Variants in ROBO2 observed in about 807,000 individuals in gnomAD.
ROBO2 encodes the protein roundabout homolog 2.
ROBO2 carries 53 observed loss-of-function variants against 160.8 expected under a neutral mutation model. The observed-to-expected ratio is 0.33, with a 90% confidence interval of 0.26 to 0.41. The LOEUF is 0.41. Among genes scored for constraint, ROBO2 ranks in the 10% least tolerant of loss-of-function variants. ROBO2 has a pLI of 1.00. For synonymous variants in ROBO2, 664 were observed against 611.7 expected, an observed-to-expected ratio of 1.09 and a Z score of -1.26; for missense variants, 1,577 against 1,722.4, an observed-to-expected ratio of 0.92 and a Z score of 1.49.
At position 76,393,085 on chromosome 3, in the gene ROBO2, C is replaced by A. The variant is rs1304709132; in HGVS notation, c.109+455483C>A. ...TATCAAACAGGTGACAGCTATTGTT[C>A]TATACTAACAGTAAAATCCAGTGTT... On this transcript the variant is annotated intron_variant, in intron 2 of 26. Transcript: ENST00000487694. Among the ~76,000 whole-genome samples, 5 of 152,228 alleles carry A rather than the reference C, an allele frequency of 3.3e-5. No individual in the cohort carries two copies. The East Asian group carries it at 9.7e-4, about 29-fold the overall frequency.
intron 1 of ROBO2, among the ~76,000 whole-genome samples, chr3:77,048,372 A>C (rs948658232): frequency 6.6e-6 from 1 of 152,174 alleles, no homozygotes; most frequent in Non-Finnish European, 1.5e-5. Flanking sequence ...TTTCCATTGC[A>C]TCATAAGCTG....
At chr3:75,999,665 A>G (rs530569898) in intron 2 of ROBO2, among the ~76,000 whole-genome samples, 15 of 152,154 alleles carry the variant, frequency 9.9e-5, no homozygotes, top group Non-Finnish European at 2.1e-4. Context: ...ATTTGTTCAA[A>G]TTAAAATCAA....
chr3:77,049,717 G>A (rs962841980), intron 1 of ROBO2, among the ~76,000 whole-genome samples: 1 of 152,160 alleles, frequency 6.6e-6, no homozygotes, highest in Admixed American at 6.6e-5. Flanking sequence ...AAGGATTGAT[G>A]TGGGATCTCT....
chr3:77,309,489 A>C (rs1433389276), intron 2 of ROBO2, among the ~76,000 whole-genome samples: 2 of 152,228 alleles, frequency 1.3e-5, no homozygotes, highest in African/African-American at 2.4e-5. Flanking sequence ...GGAGAGATTT[A>C]TTCATTCAGA....
chr3:77,050,709 A>G (rs1252334171), intron 1 of ROBO2, among the ~76,000 whole-genome samples: 2 of 151,618 alleles, frequency 1.3e-5, no homozygotes, highest in Non-Finnish European at 2.9e-5. Context: ...AGAGTTAAAC[A>G]ATAATAATGA....
chr3:77,100,691 A>G (rs1480557082), intron 2 of ROBO2, among the ~76,000 whole-genome samples: 1 of 152,204 alleles, frequency 6.6e-6, no homozygotes, highest in Non-Finnish European at 1.5e-5. Flanking sequence ...GTATTCTCAA[A>G]GAGCTCACAT....
At chr3:76,541,884 T>C (rs2082837981) in intron 2 of ROBO2, among the ~76,000 whole-genome samples, 3 of 152,186 alleles carry the variant, frequency 2.0e-5, no homozygotes, top group Admixed American at 2.0e-4. Context: ...TTGTGTATTA[T>C]ATATTAACAC....
intron 2 of ROBO2, among the ~76,000 whole-genome samples, chr3:77,341,519 C>T (rs2067058022): frequency 6.6e-6 from 1 of 152,054 alleles, no homozygotes; most frequent in African/African-American, 2.4e-5. Context: ...ATTCAGAGTC[C>T]CATAGTTGAT....
chr3:77,216,582 C>T (rs949246630), intron 2 of ROBO2, among the ~76,000 whole-genome samples: 1 of 152,168 alleles, frequency 6.6e-6, no homozygotes, highest in Non-Finnish European at 1.5e-5. Flanking sequence ...CACTCACTGT[C>T]CTGCACCCAC....
chr3:77,052,093 G>C (rs1218806576), intron 1 of ROBO2, among the ~76,000 whole-genome samples: 1 of 152,156 alleles, frequency 6.6e-6, no homozygotes, highest in African/African-American at 2.4e-5. Flanking sequence ...TTTACTGACT[G>C]ATGTTGGTTG....
At chr3:76,011,652 G>A (rs1461281017) in intron 2 of ROBO2, among the ~76,000 whole-genome samples, 1 of 152,190 alleles carries the variant, frequency 6.6e-6, no homozygotes, top group African/African-American at 2.4e-5. Context: ...GGGGAAGAGG[G>A]AGGGGGAACT....
At chr3:76,522,234 T>A (rs932603542) in intron 2 of ROBO2, among the ~76,000 whole-genome samples, 2 of 152,190 alleles carry the variant, frequency 1.3e-5, no homozygotes, top group African/African-American at 2.4e-5. Context: ...AAGTGCAACA[T>A]AGAGTAATTA....
chr3:76,979,590 T>TG (rs1237989165), intron 2 of ROBO2, among the ~76,000 whole-genome samples: 1 of 151,796 alleles, frequency 6.6e-6, no homozygotes, highest in African/African-American at 2.4e-5. Context: ...TATGTGTGTG[T>TG]GTGGTGTGTG....
chr3:76,737,451 C>A (rs1419622424), intron 2 of ROBO2, among the ~76,000 whole-genome samples: 1 of 151,858 alleles, frequency 6.6e-6, no homozygotes, highest in Non-Finnish European at 1.5e-5. Context: ...AAACAATATG[C>A]AAACAAATAA....
At chr3:76,931,981 A>G (rs2077375948) in intron 2 of ROBO2, among the ~76,000 whole-genome samples, 1 of 152,122 alleles carries the variant, frequency 6.6e-6, no homozygotes, top group African/African-American at 2.4e-5. Flanking sequence ...GCACCCTGCC[A>G]AATATTTTAA....
intron 2 of ROBO2, among the ~76,000 whole-genome samples, chr3:76,052,576 A>G (rs1053785909): frequency 6.6e-6 from 1 of 151,986 alleles, no homozygotes; most frequent in Non-Finnish European, 1.5e-5. Flanking sequence ...GATTAAAGTA[A>G]AATTTCTCAG....
At chr3:76,490,441 A>G (rs1043036008) in intron 2 of ROBO2, among the ~76,000 whole-genome samples, 2 of 152,176 alleles carry the variant, frequency 1.3e-5, no homozygotes, top group African/African-American at 4.8e-5. Context: ...AGTAGTGTCT[A>G]TCGTTAGTAA....
chr3:76,524,751 C>G (rs1489509757), intron 2 of ROBO2, among the ~76,000 whole-genome samples: 2 of 129,672 alleles, frequency 1.5e-5, no homozygotes, highest in African/African-American at 5.6e-5. Context: ...CCTCACTTTT[C>G]AAATGGTAGC....
rs1285852469 is a variant in ROBO2 at position 76,192,313 on chromosome 3, T to A, written c.109+254711T>A. ...CTTACCAATCCTGCCATTTCCCTAG[T>A]TAGTGCTCTTATTTTCTAAAGTTAC... On this transcript the variant is annotated intron_variant, in intron 2 of 26. Coordinates refer to the ROBO2 transcript ENST00000487694. Among the ~76,000 whole-genome samples, 4 of 152,046 alleles carry A rather than the reference T, an allele frequency of 2.6e-5. No individual in the cohort carries two copies. In the East Asian group the frequency reaches 7.7e-4, roughly 29 times the overall value.
Sources: allele counts gnomAD v4.1 joint callset (sites outside exome capture counted in the v4.1 genomes callset), GRCh38; gene constraint gnomAD v4.1.1; transcripts MANE v1.5; gene names NCBI Gene and HGNC (gene_info 2026-07-23, HGNC 2026-07-21).